The following RPL26 variants were observed in gnomAD, a reference collection of about 807,000 sequenced individuals.
The protein encoded by RPL26 is large ribosomal subunit protein uL24.
In RPL26, 1 loss-of-function variant was observed where a neutral mutation model predicts 16.2. That is an observed-to-expected ratio of 0.06 (90% CI 0.02 to 0.29). The LOEUF (loss-of-function observed/expected upper bound fraction) is 0.29, where lower values mean the gene tolerates loss of function less well. Ranked by LOEUF, RPL26 falls within the 10% of genes least tolerant of loss-of-function variation. RPL26 has a pLI of 1.00. For missense variants in RPL26, 102 were observed against 184.3 expected (o/e 0.55, Z 2.58); for synonymous variants, 55 against 62.4 (o/e 0.88, Z 0.56).
At chr17:8,381,542 T>C (rs539518264) in intron 2 of RPL26, among the ~76,000 whole-genome samples, 16 of 152,046 alleles carry the variant, frequency 1.1e-4, no homozygotes, top group African/African-American at 3.9e-4. Flanking sequence ...GACCCCTCTC[T>C]ACAGAAACAA....
In RPL26 at chr17:8,377,522, C is replaced by A; in HGVS notation, c.*42G>T. The A allele has an allele frequency of 6.5e-7, 1 of 1,527,600 alleles. No homozygotes were observed. The highest frequency in any genetic ancestry group is 8.8e-7 in the Non-Finnish European group (1 of 1,133,960). 94.6% of individuals were successfully genotyped at this position (1,527,600 alleles called of 1,614,324 possible). ...AATCACCACACACAAAACACAGGCT[C>A]TTTGTTTCAAGTTTTAATCAAAGCT... On this transcript the variant is annotated 3_prime_UTR_variant, in exon 4 of 4. Coordinates refer to ENST00000648839, the MANE Select transcript of RPL26 (RefSeq NM_000987.5).
chr17:8,380,246 G>C (rs1481589419), intron 2 of RPL26, among the ~76,000 whole-genome samples: 4 of 152,216 alleles, frequency 2.6e-5, no homozygotes, highest in Non-Finnish European at 5.9e-5. Flanking sequence ...AGGAATCCCA[G>C]TGGTCCTCAG....
At chr17:8,382,784 G>A (rs1907486145) in intron 1 of RPL26, 1 of 364,648 alleles carries the variant, frequency 2.7e-6, no homozygotes, top group Non-Finnish European at 4.9e-6. Flanking sequence ...CCCGAACCTG[G>A]AAAAGCCTGC....
intron 1 of RPL26, 49 bp from the exon 2 acceptor site, chr17:8,382,364 C>T (rs571407714): frequency 1.9e-5 from 25 of 1,341,088 alleles, no homozygotes; most frequent in Admixed American, 9.0e-5. Context: ...TCTCATCCAG[C>T]TTCCAAACAA....
At chr17:8,382,991 C>G in intron 1 of RPL26, 166 bp downstream of exon 1, 2 of 398,610 alleles carry the variant, frequency 5.0e-6, no homozygotes, top group Non-Finnish European at 8.8e-6. Context: ...ATCTCCGGCC[C>G]GGCGGCCCTT....
At chr17:8,377,757 C>T in intron 3 of RPL26, 65 bp from the exon 4 acceptor site, 1 of 1,477,544 alleles carries the variant, frequency 6.8e-7, no homozygotes, top group Non-Finnish European at 9.1e-7. Flanking sequence ...AAGGGAAAGC[C>T]CAACATTCAA....
intron 2 of RPL26, 158 bp downstream of exon 2, chr17:8,381,985 G>C (rs1248199017): frequency 1.7e-6 from 1 of 590,466 alleles, no homozygotes; most frequent in Admixed American, 3.5e-5. Flanking sequence ...AAACTGAAAA[G>C]CAGCTTACTT....
chr17:8,379,660 G>A lies in RPL26; in HGVS notation c.309+136C>T, dbSNP rs1907323181. 5.4e-6 allele frequency: 4 copies of A among 740,166 alleles called. 1 individual carries two copies. Among genetic ancestry groups the A allele is most frequent in the Non-Finnish European group, 9.1e-6 (4 of 439,484 alleles). 45.8% of individuals were successfully genotyped at this position (740,166 alleles called of 1,614,324 possible). On this transcript the variant is annotated intron_variant, in intron 3 of 3. Transcript: ENST00000648839. ...TATTAGAATTTTCAATACAAGTGCA[G>A]TAGTATTTACTTTAAAATGTTTTTT...
At chr17:8,377,945 A>G (rs1000860551) in intron 3 of RPL26, among the ~76,000 whole-genome samples, 3 of 152,232 alleles carry the variant, frequency 2.0e-5, no homozygotes, top group Admixed American at 1.3e-4. Flanking sequence ...GTGCTTCATT[A>G]TAAGATTTGT....
At chr17:8,379,707 G>T in intron 3 of RPL26, 89 bp downstream of exon 3, 2 of 1,210,348 alleles carry the variant, frequency 1.7e-6, no homozygotes, top group Non-Finnish European at 2.4e-6. Context: ...TAAAATCAAG[G>T]ACTATTTCTA....
chr17:8,377,519 G>A lies in RPL26; in HGVS notation c.*45C>T, dbSNP rs1176197306. ...CTAAATCACCACACACAAAACACAG[G>A]CTCTTTGTTTCAAGTTTTAATCAAA... On this transcript the variant is annotated 3_prime_UTR_variant, in exon 4 of 4. Transcript: ENST00000648839. The A allele has an allele frequency of 1.3e-6, 2 of 1,506,010 alleles. No homozygotes were observed. Among genetic ancestry groups the A allele is most frequent in the East Asian group, 4.5e-5 (2 of 44,044 alleles). The allele number at this position is 1,506,010 out of a possible 1,614,324, so 93.3% of individuals were successfully genotyped here. A position where few individuals can be genotyped will look rare whatever the true frequency, so the allele number is the denominator to read the frequency against.
At chr17:8,382,040 G>A (rs1335211336) in intron 2 of RPL26, 103 bp downstream of exon 2, 11 of 1,023,452 alleles carry the variant, frequency 1.1e-5, no homozygotes, top group Non-Finnish European at 1.6e-5. Flanking sequence ...CACTCTTTGG[G>A]AGCAAGAGTC....
intron 2 of RPL26, chr17:8,380,163 A>G: frequency 2.1e-6 from 1 of 477,416 alleles, no homozygotes; most frequent in Non-Finnish European, 3.7e-6. Flanking sequence ...AATGTGTGCA[A>G]CCTAGTGCTA....
chr17:8,382,564 CCT>C, intron 1 of RPL26: 1 of 440,018 alleles, frequency 2.3e-6, no homozygotes, highest in Non-Finnish European at 4.1e-6. Flanking sequence ...AAACACTTGT[CCT>C]AGTTATAAGA....
In RPL26 at chr17:8,382,335, G is replaced by A. The variant is rs778372582; in HGVS notation, c.-5-20C>T. 1.3e-6 allele frequency: 2 copies of A among 1,592,942 alleles called. No individual in the cohort carries two copies. Among genetic ancestry groups the A allele is most frequent in the East Asian group, 4.5e-5 (2 of 44,620 alleles). ...TTTTGGCTAAATAAAAAGTTAAAAA[G>A]ACTCTTAAATGACCAAAATCTCATC... On this transcript the variant is annotated intron_variant, in intron 1 of 3. Transcript: ENST00000648839.
intron 2 of RPL26, 120 bp from the exon 3 acceptor site, chr17:8,380,056 G>T: frequency 1.3e-6 from 1 of 770,360 alleles, no homozygotes; most frequent in Non-Finnish European, 2.0e-6. Context: ...AAAAAAAAGA[G>T]CCCACTTCGG....
chr17:8,382,757 T>A, intron 1 of RPL26: 1 of 333,118 alleles, frequency 3.0e-6, no homozygotes, highest in Non-Finnish European at 5.4e-6. Flanking sequence ...CCCGCCAAAA[T>A]GAATAAGGCC....
At chr17:8,383,116 G>A (rs1401164598) in intron 1 of RPL26, 41 bp downstream of exon 1, 2 of 398,532 alleles carry the variant, frequency 5.0e-6, no homozygotes, top group South Asian at 1.3e-4. Context: ...CCCAAGAACG[G>A]ATGGCTGCTG....
At chr17:8,378,865 T>C (rs549826279) in intron 3 of RPL26, among the ~76,000 whole-genome samples, 29 of 152,128 alleles carry the variant, frequency 1.9e-4, no homozygotes, top group Non-Finnish European at 4.0e-4. Context: ...TCTAGAGTGA[T>C]CAAGCAAAGC....
Sources: allele counts gnomAD v4.1 joint callset (sites outside exome capture counted in the v4.1 genomes callset), GRCh38; gene constraint gnomAD v4.1.1; transcripts MANE v1.5; gene names NCBI Gene and HGNC (gene_info 2026-07-23, HGNC 2026-07-21).